Variants in LRIG1 observed in about 807,000 individuals in gnomAD.
The protein encoded by LRIG1 is leucine-rich repeats and immunoglobulin-like domains protein 1.
LRIG1 carries 48 observed loss-of-function variants against 99.2 expected under a neutral mutation model. The observed-to-expected ratio is 0.48, with a 90% CI of 0.38 to 0.62. The LOEUF is 0.62. Among genes scored for constraint, LRIG1 ranks in the 20% least tolerant of loss-of-function variants. The pLI is 0.00. For synonymous variants in LRIG1, 772 were observed against 596.1 expected, an observed-to-expected ratio of 1.29 and a Z score of -4.30; for missense variants, 1,646 against 1,434.4, an observed-to-expected ratio of 1.15 and a Z score of -2.38.
Position 66,398,176 on chromosome 3 carries a change from C to T in LRIG1, c.1240G>A (p.Gly414Arg), listed in dbSNP as rs371029343. The change falls in exon 11 of 19, where the codon GGA (glycine) becomes AGA (arginine). Residue 414 changes from glycine (G) to arginine (R), a missense_variant. Physicochemically the swap from Gly to Arg is moderately radical, Grantham distance 125. Coordinates refer to ENST00000273261, the MANE Select transcript of LRIG1 (RefSeq NM_015541.3). ...GLEGLEHLNL[G>R]GNAIRSVQFD... ...TGGACAGATCTGATCGCATTCCCTC[C>T]AAGGTTCCTGAAACAGAACATACAT... 12 of 1,613,718 alleles carry T rather than the reference C, an allele frequency of 7.4e-6. No individual in the cohort carries two copies. Among genetic ancestry groups the T allele is most frequent in the African/African-American group, 1.3e-5 (1 of 75,046 alleles).
intron 1 of LRIG1, among the ~76,000 whole-genome samples, chr3:66,463,006 G>A (rs954716533): frequency 4.6e-5 from 7 of 152,108 alleles, no homozygotes; most frequent in African/African-American, 7.2e-5. Context: ...GCAATGTCTG[G>A]AGACATTTTT....
chr3:66,379,413 C>G lies in LRIG1; in HGVS notation c.*850G>C, dbSNP rs1234598761. ...ATCAGTATAGAAAAATCCACAGGTACCAACACCAGCAGCCTTTACCTTAAT... is the reference window on the plus strand; with the variant it reads ...ATCAGTATAGAAAAATCCACAGGTAGCAACACCAGCAGCCTTTACCTTAAT... On this transcript the variant is annotated 3_prime_UTR_variant, in exon 19 of 19. Transcript: ENST00000273261. 2 of 152,282 alleles carry G rather than the reference C, an allele frequency of 1.3e-5. No homozygotes were observed. The highest frequency in any genetic ancestry group is 2.9e-5 in the Non-Finnish European group (2 of 68,034). 9.4% of individuals were successfully genotyped at this position (152,282 alleles called of 1,614,324 possible).
At chr3:66,424,249 C>G (rs542298958) in intron 3 of LRIG1, among the ~76,000 whole-genome samples, 7 of 152,070 alleles carry the variant, frequency 4.6e-5, no homozygotes, top group Non-Finnish European at 4.4e-5. Context: ...CCCACTCCCA[C>G]AGCAAGTGGA....
chr3:66,422,405 T>C (rs1702849030), intron 3 of LRIG1, among the ~76,000 whole-genome samples: 1 of 152,240 alleles, frequency 6.6e-6, no homozygotes, highest in African/African-American at 2.4e-5. Flanking sequence ...TTCCATCAGA[T>C]ACCCTAAATC....
At position 66,493,495 on chromosome 3, in the gene LRIG1, A is replaced by G. The variant is rs1701151354; in HGVS notation, c.218+6695T>C. On this transcript the variant is annotated intron_variant, in intron 1 of 18. Transcript: ENST00000273261. ...GAGGTTCACTTGTGGCACTTCATACATATCACCAAAAATCCATGGGAGAAG... is the reference window on the plus strand; with the variant it reads ...GAGGTTCACTTGTGGCACTTCATACGTATCACCAAAAATCCATGGGAGAAG... 2.6e-5 allele frequency among the ~76,000 whole-genome samples: 4 copies of G among 152,230 alleles called. 1 individual carries two copies. The South Asian group carries it at 8.3e-4, about 32-fold the overall frequency.
intron 12 of LRIG1, among the ~76,000 whole-genome samples, chr3:66,391,083 G>A (rs921220405): frequency 4.6e-5 from 7 of 152,088 alleles, no homozygotes; most frequent in Non-Finnish European, 1.0e-4. Flanking sequence ...TTAATCATTA[G>A]GGAAGTGCAA....
At position 66,383,303 on chromosome 3, in the gene LRIG1, T is replaced by TG; in HGVS notation, c.2169dup (p.Ile724HisfsTer14). 2 of 1,609,656 alleles carry TG rather than the reference T, an allele frequency of 1.2e-6. No homozygotes were observed. Among genetic ancestry groups the TG allele is most frequent in the Non-Finnish European group, 1.7e-6 (2 of 1,176,324 alleles). On this transcript the variant is annotated frameshift_variant, in exon 15 of 19. Coordinates refer to ENST00000273261, the MANE Select transcript of LRIG1 (RefSeq NM_015541.3). LOFTEE classifies it high-confidence loss of function. ...GGGCGGTCCCCCTTGAACCAGGTGATGCGGGGCGGAGGGTTCCCCGTGGCT... is the reference window on the plus strand; with the variant it reads ...GGGCGGTCCCCCTTGAACCAGGTGATGGCGGGGCGGAGGGTTCCCCGTGGCT...
intron 7 of LRIG1, among the ~76,000 whole-genome samples, chr3:66,408,259 G>A (rs1025929442): frequency 6.6e-6 from 1 of 152,218 alleles, no homozygotes; most frequent in South Asian, 2.1e-4. Context: ...TTTAAAGGCA[G>A]CTAGGAGCAG....
chr3:66,383,318 T>TC lies in LRIG1; in HGVS notation c.2154dup (p.Asn719GlufsTer19). On this transcript the variant is annotated frameshift_variant, in exon 15 of 19. Transcript: ENST00000273261. LOFTEE classifies it high-confidence loss of function. Reference sequence around the variant, plus strand: ...AACCAGGTGATGCGGGGCGGAGGGTTCCCCGTGGCTTTGCATTGGAGGGCC... The same window carrying TC: ...AACCAGGTGATGCGGGGCGGAGGGTTCCCCCGTGGCTTTGCATTGGAGGGCC... The TC allele has an allele frequency of 6.2e-7, 1 of 1,603,338 alleles. No homozygotes were observed. Among genetic ancestry groups the TC allele is most frequent in the Non-Finnish European group, 8.5e-7 (1 of 1,171,434 alleles).
chr3:66,457,019 T>C (rs1700242483), intron 2 of LRIG1, among the ~76,000 whole-genome samples: 3 of 152,156 alleles, frequency 2.0e-5, no homozygotes, highest in African/African-American at 7.2e-5. Context: ...AGCGTCCTCA[T>C]GTCCTCCAGG....
rs200101213 is a variant in LRIG1 at position 66,417,209 on chromosome 3, T to C, written c.423A>G (p.Leu141=). 1.0e-4 allele frequency: 163 copies of C among 1,614,188 alleles called. No individual in the cohort carries two copies. The Middle Eastern group carries it at 3.1e-3, about 31-fold the overall frequency. Residue 141 remains leucine, a synonymous_variant, in exon 4 of 19, where the codon TTA becomes TTG. Coordinates refer to ENST00000273261, the MANE Select transcript of LRIG1 (RefSeq NM_015541.3). ...TGTTCAAACTCAGATCTAACACTTC[T>C]AAGGAAAGGTAGGCCTTCAGCTGGC... ...EGSQLKAYLS[L]EVLDLSLNNI...
chr3:66,383,682 C>T (rs1222220705), intron 14 of LRIG1, among the ~76,000 whole-genome samples: 1 of 145,148 alleles, frequency 6.9e-6, no homozygotes, highest in African/African-American at 2.7e-5. Flanking sequence ...ACCAAGCCCA[C>T]ATCCATCCTG....
At chr3:66,381,670 T>C (rs1323057195) in intron 16 of LRIG1, 39 bp from the exon 17 acceptor site, 1 of 1,599,752 alleles carries the variant, frequency 6.3e-7, no homozygotes, top group East Asian at 2.2e-5. Flanking sequence ...ACTCTGGGCT[T>C]GGTATTTCAC....
intron 9 of LRIG1, among the ~76,000 whole-genome samples, chr3:66,401,296 C>A (rs1702043381): frequency 6.6e-6 from 1 of 152,232 alleles, no homozygotes; most frequent in Non-Finnish European, 1.5e-5. Context: ...AGTAACAGCT[C>A]ATGGGGCACT....
intron 1 of LRIG1, among the ~76,000 whole-genome samples, chr3:66,497,463 A>G (rs1701252483): frequency 1.3e-5 from 2 of 152,154 alleles, no homozygotes; most frequent in Admixed American, 1.3e-4. Context: ...CTATTTATGA[A>G]TGTGCTAGTT....
At chr3:66,446,981 T>C (rs1347342699) in intron 3 of LRIG1, among the ~76,000 whole-genome samples, 6 of 152,182 alleles carry the variant, frequency 3.9e-5, no homozygotes, top group Non-Finnish European at 1.5e-5. Flanking sequence ...GAAAATGTTT[T>C]AGCATTCTGT....
chr3:66,482,379 T>A (rs1700871683), intron 1 of LRIG1, among the ~76,000 whole-genome samples: 1 of 152,162 alleles, frequency 6.6e-6, no homozygotes, highest in Non-Finnish European at 1.5e-5. Context: ...GGGCTGAGCA[T>A]CAACAAAGGA....
At chr3:66,425,701 AC>A (rs1336334481) in intron 3 of LRIG1, among the ~76,000 whole-genome samples, 10 of 152,070 alleles carry the variant, frequency 6.6e-5, no homozygotes, top group Admixed American at 1.3e-4. Context: ...ACTTATGGGG[AC>A]CGGGGGAAGT....
Position 66,437,769 on chromosome 3 carries a change from A to G in LRIG1, c.365+13790T>C, listed in dbSNP as rs188278870. On this transcript the variant is annotated intron_variant, in intron 3 of 18. Coordinates refer to ENST00000273261, the MANE Select transcript of LRIG1 (RefSeq NM_015541.3). ...GCCCCTCACCCCAGCCCCAGAGGAG[A>G]CAGAGGGATGTCATAGGTGCAGTGG... 4.0e-3 allele frequency among the ~76,000 whole-genome samples: 612 copies of G among 152,210 alleles called. 6 individuals are homozygous for G. The highest frequency in any genetic ancestry group is 1.0e-3 in the Non-Finnish European group (70 of 68,018).
Sources: gnomAD v4.1 joint callset for allele counts (sites outside exome capture counted in the v4.1 genomes callset) on GRCh38, gnomAD v4.1.1 for gene constraint, MANE v1.5 for transcripts, NCBI Gene and HGNC (gene_info 2026-07-23, HGNC 2026-07-21) for gene names.